Variants in CDH18 observed in about 807,000 individuals in gnomAD.
The protein encoded by CDH18 is cadherin 18, also known as cadherin-18.
In CDH18, 31 loss-of-function variants were observed where a neutral mutation model predicts 67.9. The observed-to-expected ratio is 0.46, with a 90% confidence interval of 0.34 to 0.62. The LOEUF is 0.62. Among genes scored for constraint, CDH18 ranks in the 20% least tolerant of loss-of-function variants. CDH18 has a pLI of 0.01. For synonymous variants in CDH18, 362 were observed against 347.2 expected (o/e 1.04, Z -0.48); for missense variants, 890 against 975.5 (o/e 0.91, Z 1.17).
At chr5:20,434,525 T>C (rs200287579) in intron 1 of CDH18, among the ~76,000 whole-genome samples, 1 of 151,982 alleles carries the variant, frequency 6.6e-6, no homozygotes, top group Admixed American at 6.6e-5. Context: ...CACCCGGTAA[T>C]AAAGCCAGTA....
At chr5:19,550,858 G>A (rs1341369289) in intron 8 of CDH18, among the ~76,000 whole-genome samples, 1 of 152,132 alleles carries the variant, frequency 6.6e-6, no homozygotes, top group African/African-American at 2.4e-5. Flanking sequence ...CACAATGGTT[G>A]AACTAGTTTA....
At chr5:20,270,284 T>C (rs1745340825) in intron 1 of CDH18, among the ~76,000 whole-genome samples, 1 of 152,114 alleles carries the variant, frequency 6.6e-6, no homozygotes, top group Non-Finnish European at 1.5e-5. Context: ...ATATAAACAA[T>C]ATTTTATGAT....
intron 1 of CDH18, among the ~76,000 whole-genome samples, chr5:20,422,570 T>C (rs2150160845): frequency 6.6e-6 from 1 of 151,174 alleles, no homozygotes; most frequent in South Asian, 2.1e-4. Context: ...CCAAATTTAT[T>C]TGAAAATTTA....
At chr5:19,949,578 T>C (rs530044173) in intron 2 of CDH18, among the ~76,000 whole-genome samples, 2 of 152,208 alleles carry the variant, frequency 1.3e-5, no homozygotes, top group African/African-American at 4.8e-5. Context: ...AGTCTGGAAA[T>C]AGAATATTCA....
At chr5:19,863,233 G>A (rs1001538940) in intron 2 of CDH18, among the ~76,000 whole-genome samples, 2 of 152,166 alleles carry the variant, frequency 1.3e-5, no homozygotes, top group Non-Finnish European at 1.5e-5. Flanking sequence ...TTAAGTATAA[G>A]AGGCAGAGAG....
In CDH18 at chr5:19,471,299, C is replaced by A. The variant is rs916454039; in HGVS notation, c.*1927G>T. Among the ~76,000 whole-genome samples, 2 of 152,008 alleles carry A rather than the reference C, an allele frequency of 1.3e-5. No individual in the cohort carries two copies. The highest frequency in any genetic ancestry group is 4.8e-5 in the African/African-American group (2 of 41,402). On this transcript the variant is annotated 3_prime_UTR_variant, in exon 13 of 13. Coordinates refer to ENST00000382275, the MANE Select transcript of CDH18 (RefSeq NM_004934.5). ...AGCAGCATCTGGAAAACTAAAATGT[C>A]GTAAAAAGCTTAAATTACATTTTAT...
intron 8 of CDH18, among the ~76,000 whole-genome samples, chr5:19,566,948 G>A (rs1005554074): frequency 6.6e-6 from 1 of 152,070 alleles, no homozygotes; most frequent in Non-Finnish European, 1.5e-5. Context: ...AGAACTGCAG[G>A]ACATTATGTT....
chr5:20,338,643 T>C (rs1739988988), intron 1 of CDH18, among the ~76,000 whole-genome samples: 1 of 152,234 alleles, frequency 6.6e-6, no homozygotes. Flanking sequence ...CTGGTATATT[T>C]CCAGTTGCAA....
intron 3 of CDH18, among the ~76,000 whole-genome samples, chr5:19,817,268 A>T (rs1220254314): frequency 6.6e-6 from 1 of 151,950 alleles, no homozygotes; most frequent in African/African-American, 2.4e-5. Context: ...CTTACACATC[A>T]TTGGCAAAGG....
intron 2 of CDH18, among the ~76,000 whole-genome samples, chr5:19,905,921 C>T (rs910867341): frequency 2.6e-5 from 4 of 152,026 alleles, no homozygotes; most frequent in Non-Finnish European, 4.4e-5. Context: ...ACTCTAGATG[C>T]GAGTTAGCCA....
chr5:19,631,680 CG>C (rs11338751), intron 5 of CDH18, among the ~76,000 whole-genome samples: 112,066 of 151,946 alleles, frequency 0.74, 41,575 homozygotes, highest in South Asian at 0.8. Context: ...TTTTGAACTA[CG>C]GGAAGATATT....
chr5:20,119,595 A>G (rs1304174804), intron 2 of CDH18, among the ~76,000 whole-genome samples: 3 of 124,438 alleles, frequency 2.4e-5, no homozygotes, highest in Non-Finnish European at 3.5e-5. Flanking sequence ...TCCCTTTTCT[A>G]GGAAAAATTA....
intron 1 of CDH18, among the ~76,000 whole-genome samples, chr5:20,541,021 G>A (rs1480468396): frequency 6.6e-6 from 1 of 152,116 alleles, no homozygotes; most frequent in African/African-American, 2.4e-5. Flanking sequence ...ATGGCCATTC[G>A]GAGTAGGGCT....
intron 1 of CDH18, among the ~76,000 whole-genome samples, chr5:20,352,383 A>G (rs1034288293): frequency 1.3e-5 from 2 of 152,018 alleles, no homozygotes; most frequent in Admixed American, 6.6e-5. Context: ...GTCAAAAATT[A>G]TACATAGATT....
At chr5:20,493,190 A>G (rs991771905) in intron 1 of CDH18, among the ~76,000 whole-genome samples, 1 of 151,660 alleles carries the variant, frequency 6.6e-6, no homozygotes, top group African/African-American at 2.4e-5. Flanking sequence ...CTCTACTAAA[A>G]ATACAAAAAA....
At chr5:20,475,286 AT>A (rs112011491) in intron 1 of CDH18, among the ~76,000 whole-genome samples, 20 of 151,492 alleles carry the variant, frequency 1.3e-4, no homozygotes, top group Non-Finnish European at 2.1e-4. Flanking sequence ...GCATTTGCTG[AT>A]TTTTTTTTAT....
intron 2 of CDH18, among the ~76,000 whole-genome samples, chr5:19,979,186 A>T (rs1250532624): frequency 1.3e-5 from 2 of 151,088 alleles, no homozygotes; most frequent in African/African-American, 4.9e-5. Flanking sequence ...GTGATTATAA[A>T]GTCATAAGGT....
At chr5:20,200,451 A>C (rs1739360428) in intron 2 of CDH18, among the ~76,000 whole-genome samples, 1 of 152,184 alleles carries the variant, frequency 6.6e-6, no homozygotes, top group African/African-American at 2.4e-5. Flanking sequence ...AGGCAGGCAG[A>C]TGTCTTGAGC....
Position 19,755,091 on chromosome 5 carries a change from C to A in CDH18, c.229-7855G>T, listed in dbSNP as rs181741702. ...CACAAACTGACAATCTAAGGTCATG[C>A]CTTAAGGAACTAGAGGAACAAGAAC... On this transcript the variant is annotated intron_variant, in intron 3 of 12. Coordinates refer to ENST00000382275, the MANE Select transcript of CDH18 (RefSeq NM_004934.5). 9.0e-4 allele frequency among the ~76,000 whole-genome samples: 136 copies of A among 151,220 alleles called. No individual in the cohort carries two copies. The Middle Eastern group carries it at 0.017, about 19-fold the overall frequency.
Sources: allele counts gnomAD v4.1 joint callset (sites outside exome capture counted in the v4.1 genomes callset), GRCh38; gene constraint gnomAD v4.1.1; transcripts MANE v1.5; gene names NCBI Gene and HGNC (gene_info 2026-07-23, HGNC 2026-07-21).